Variants in VEGFC observed in about 807,000 individuals in gnomAD.
The protein encoded by VEGFC is FLT4 ligand DHM.
VEGFC carries 12 observed loss-of-function variants against 46.1 expected under a neutral mutation model. The observed-to-expected ratio is 0.26, with a 90% CI of 0.17 to 0.42. The LOEUF (loss-of-function observed/expected upper bound fraction) is 0.42, where lower values mean the gene tolerates loss of function less well. Ranked by LOEUF, VEGFC falls within the 10% of genes least tolerant of loss-of-function variation. The probability of loss-of-function intolerance (pLI) is 1.00; values close to 1 mark genes in which losing one functional copy is unlikely to be tolerated. For missense variants in VEGFC, 488 were observed against 529.4 expected (o/e 0.92, Z 0.77); for synonymous variants, 232 against 195.5 (o/e 1.19, Z -1.56).
At chr4:176,754,015 T>C (rs1460257210) in intron 1 of VEGFC, among the ~76,000 whole-genome samples, 1 of 152,076 alleles carries the variant, frequency 6.6e-6, no homozygotes, top group Non-Finnish European at 1.5e-5. Flanking sequence ...GTCAGAATAT[T>C]ATTACTGTAA....
intron 1 of VEGFC, among the ~76,000 whole-genome samples, chr4:176,736,190 T>A (rs992710551): frequency 6.6e-6 from 1 of 151,896 alleles, no homozygotes; most frequent in Non-Finnish European, 1.5e-5. Flanking sequence ...TTTTGGACAA[T>A]GATAGCTTTG....
At chr4:176,751,572 T>C (rs1040867491) in intron 1 of VEGFC, among the ~76,000 whole-genome samples, 2 of 151,966 alleles carry the variant, frequency 1.3e-5, no homozygotes, top group African/African-American at 2.4e-5. Flanking sequence ...CCATGGGTCA[T>C]ACAACAGATT....
intron 1 of VEGFC, among the ~76,000 whole-genome samples, chr4:176,766,673 C>T (rs187614007): frequency 3.4e-4 from 52 of 150,810 alleles, no homozygotes; most frequent in Non-Finnish European, 6.3e-4. Flanking sequence ...AGAGAGCATA[C>T]AATCGTAAAA....
chr4:176,765,681 G>A (rs1442916738), intron 1 of VEGFC, among the ~76,000 whole-genome samples: 6 of 150,518 alleles, frequency 4.0e-5, no homozygotes, highest in South Asian at 2.1e-4. Flanking sequence ...TCAGCCTCCC[G>A]AGTAGCTGGA....
At chr4:176,730,885 TA>T (rs1424328590) in intron 1 of VEGFC, among the ~76,000 whole-genome samples, 1 of 151,918 alleles carries the variant, frequency 6.6e-6, no homozygotes, top group Non-Finnish European at 1.5e-5. Context: ...AAACATAATC[TA>T]ATCTCATTTT....
intron 1 of VEGFC, among the ~76,000 whole-genome samples, chr4:176,755,720 T>G (rs150407876): frequency 2.0e-5 from 3 of 152,186 alleles, no homozygotes; most frequent in Non-Finnish European, 4.4e-5. Flanking sequence ...ATCCTACTGA[T>G]ACACATATTT....
At chr4:176,740,396 T>TC (rs1484597620) in intron 1 of VEGFC, among the ~76,000 whole-genome samples, 2 of 118,158 alleles carry the variant, frequency 1.7e-5, no homozygotes, top group African/African-American at 6.6e-5. Flanking sequence ...AACTATATAT[T>TC]TATATATAGT....
intron 1 of VEGFC, among the ~76,000 whole-genome samples, chr4:176,732,885 G>C (rs1252550747): frequency 1.3e-5 from 2 of 151,714 alleles, no homozygotes; most frequent in Non-Finnish European, 2.9e-5. Context: ...ATGATAAACA[G>C]TGAGAAAACA....
chr4:176,772,032 C>T (rs1169468544), intron 1 of VEGFC, among the ~76,000 whole-genome samples: 1 of 152,122 alleles, frequency 6.6e-6, no homozygotes, highest in African/African-American at 2.4e-5. Flanking sequence ...ACGTTGGCTG[C>T]AGAAAGCCCT....
chr4:176,783,997 C>T (rs2110949432), intron 1 of VEGFC, among the ~76,000 whole-genome samples: 1 of 151,132 alleles, frequency 6.6e-6, no homozygotes, highest in Non-Finnish European at 1.5e-5. Flanking sequence ...CTATTTAACA[C>T]AAATTTACAG....
intron 4 of VEGFC, among the ~76,000 whole-genome samples, chr4:176,706,426 AGACCAGCCTGGCCAGAAT>A (rs1232791834): frequency 6.6e-6 from 1 of 152,084 alleles, no homozygotes; most frequent in African/African-American, 2.4e-5. Context: ...CAGGAGTTCA[AGACCAGCCTGGCCAGAAT>A]GGTGAAACCC....
chr4:176,727,719 A>G lies in VEGFC; in HGVS notation c.552+59T>C, dbSNP rs878984845. 29 of 1,516,648 alleles carry G rather than the reference A, an allele frequency of 1.9e-5. No homozygotes were observed. The South Asian group carries it at 2.6e-4, about 13-fold the overall frequency. The allele number at this position is 1,516,648 out of a possible 1,614,324, so 93.9% of individuals were successfully genotyped here. ...CCAGAAGTTTAAACACATCATCCCC[A>G]AAGTTAAAGCTTCTGATTAAGGGGG... On this transcript the variant is annotated intron_variant, in intron 3 of 6. Transcript: ENST00000618562.
intron 1 of VEGFC, among the ~76,000 whole-genome samples, chr4:176,774,416 G>T (rs1464234917): frequency 6.6e-6 from 1 of 152,098 alleles, no homozygotes; most frequent in Admixed American, 6.6e-5. Context: ...AGCCAAATGA[G>T]TGAATCACTT....
intron 4 of VEGFC, among the ~76,000 whole-genome samples, chr4:176,691,390 T>C (rs986035286): frequency 6.6e-6 from 1 of 152,198 alleles, no homozygotes; most frequent in African/African-American, 2.4e-5. Flanking sequence ...AGCAGGGAAT[T>C]GCACAATTAT....
At chr4:176,778,805 C>T (rs1041546016) in intron 1 of VEGFC, among the ~76,000 whole-genome samples, 5 of 152,226 alleles carry the variant, frequency 3.3e-5, no homozygotes, top group Admixed American at 2.0e-4. Flanking sequence ...GGGACAAAAC[C>T]TTCTCAATTT....
chr4:176,729,829 TA>T, intron 1 of VEGFC, 83 bp from the exon 2 acceptor site: 1 of 1,054,988 alleles, frequency 9.5e-7, no homozygotes, highest in East Asian at 2.7e-5. Flanking sequence ...TTAGGTTTAA[TA>T]GTATCTATGC....
intron 3 of VEGFC, among the ~76,000 whole-genome samples, chr4:176,725,179 C>T (rs924583595): frequency 2.0e-5 from 3 of 152,112 alleles, no homozygotes; most frequent in African/African-American, 7.2e-5. Flanking sequence ...TAACACATGA[C>T]CCCAAAATAT....
intron 1 of VEGFC, among the ~76,000 whole-genome samples, chr4:176,751,406 T>G (rs959607063): frequency 6.6e-6 from 1 of 151,986 alleles, no homozygotes; most frequent in Non-Finnish European, 1.5e-5. Context: ...AACCACATAA[T>G]TGACAAAGGA....
chr4:176,734,246 G>A (rs1560949620), intron 1 of VEGFC, among the ~76,000 whole-genome samples: 1 of 151,594 alleles, frequency 6.6e-6, no homozygotes. Flanking sequence ...CAATAAGTAT[G>A]GCCAAGTACA....
Sources: gnomAD v4.1 joint callset for allele counts (sites outside exome capture counted in the v4.1 genomes callset) on GRCh38, gnomAD v4.1.1 for gene constraint, MANE v1.5 for transcripts, NCBI Gene and HGNC (gene_info 2026-07-23, HGNC 2026-07-21) for gene names.